The following ZNF385D variants were observed in gnomAD, a reference collection of about 807,000 sequenced individuals.
ZNF385D encodes zinc finger protein 659.
A neutral mutation model predicts 35.8 loss-of-function variants in ZNF385D; 15 were observed. The ratio of observed to expected loss-of-function variants is 0.42; its 90% CI spans 0.28 to 0.64. The LOEUF is 0.64. Ranked by LOEUF, ZNF385D falls within the 30% of genes least tolerant of loss-of-function variation. The probability of loss-of-function intolerance (pLI) is 0.23; values close to 1 mark genes in which losing one functional copy is unlikely to be tolerated. For missense variants in ZNF385D, 474 were observed against 494.6 expected, an observed-to-expected ratio of 0.96 and a Z score of 0.39; for synonymous variants, 212 against 186.8, an observed-to-expected ratio of 1.13 and a Z score of -1.10.
intron 3 of ZNF385D, among the ~76,000 whole-genome samples, chr3:21,871,487 C>T (rs184573562): frequency 5.3e-5 from 8 of 152,264 alleles, no homozygotes; most frequent in Admixed American, 4.6e-4. Flanking sequence ...ATATTAATTG[C>T]TCCATTTCCA....
At chr3:21,854,425 A>G (rs756900634) in intron 3 of ZNF385D, among the ~76,000 whole-genome samples, 105 of 152,102 alleles carry the variant, frequency 6.9e-4, no homozygotes, top group Admixed American at 9.2e-4. Context: ...AGAGAATCAG[A>G]TAATTCTTTG....
chr3:21,947,346 G>GTTAT (rs74499183), intron 3 of ZNF385D, among the ~76,000 whole-genome samples: 85 of 150,806 alleles, frequency 5.6e-4, no homozygotes, highest in Middle Eastern at 6.8e-3. Flanking sequence ...TATTTTACTA[G>GTTAT]TTATTTATTT....
chr3:21,795,406 G>A (rs900864905), intron 3 of ZNF385D, among the ~76,000 whole-genome samples: 1 of 152,324 alleles, frequency 6.6e-6, no homozygotes, highest in Non-Finnish European at 1.5e-5. Context: ...CTGAGGGCGG[G>A]GCACATAGCC....
intron 1 of ZNF385D, among the ~76,000 whole-genome samples, chr3:21,726,242 G>A (rs971236117): frequency 2.0e-5 from 3 of 152,138 alleles, no homozygotes; most frequent in African/African-American, 7.2e-5. Flanking sequence ...GCAAAAACTG[G>A]AAGCATTCCC....
rs113550794 is a variant in ZNF385D at position 22,348,628 on chromosome 3, G to C, written c.106+23822C>G. On this transcript the variant is annotated intron_variant, in intron 2 of 5. Transcript: ENST00000494108. ...TGCGGTGAGCCGAGATCACGCCATT[G>C]CACTCTCCAGCCTGGGCGACAAGAG... 4.0e-4 allele frequency among the ~76,000 whole-genome samples: 57 copies of C among 143,072 alleles called. 2 individuals carry two copies. The highest frequency in any genetic ancestry group is 1.4e-3 in the African/African-American group (56 of 39,104). The allele number at this position is 143,072 out of a possible 152,430, so 93.9% of individuals were successfully genotyped here.
At chr3:22,106,797 T>G (rs183607010) in intron 3 of ZNF385D, among the ~76,000 whole-genome samples, 1 of 152,286 alleles carries the variant, frequency 6.6e-6, no homozygotes, top group Admixed American at 6.5e-5. Context: ...CGGAGAAGCC[T>G]GACAATCTTG....
At chr3:22,201,957 G>C (rs1206838018) in intron 2 of ZNF385D, among the ~76,000 whole-genome samples, 3 of 151,920 alleles carry the variant, frequency 2.0e-5, no homozygotes, top group Non-Finnish European at 4.4e-5. Flanking sequence ...AGAAAAAATT[G>C]AGTGTGTTAG....
chr3:21,739,587 G>C (rs773191342), intron 1 of ZNF385D, among the ~76,000 whole-genome samples: 1 of 151,998 alleles, frequency 6.6e-6, no homozygotes, highest in African/African-American at 2.4e-5. Context: ...CCTAAGCAGC[G>C]AACAAAAAAA....
intron 3 of ZNF385D, among the ~76,000 whole-genome samples, chr3:21,533,308 C>G (rs922724726): frequency 4.6e-5 from 7 of 152,096 alleles, no homozygotes; most frequent in African/African-American, 1.7e-4. Context: ...CTTAGAAAAC[C>G]ACAAGTACTA....
At chr3:21,876,940 C>A (rs1480832816) in intron 3 of ZNF385D, among the ~76,000 whole-genome samples, 3 of 152,076 alleles carry the variant, frequency 2.0e-5, no homozygotes, top group Non-Finnish European at 4.4e-5. Context: ...CAGAGAAGCA[C>A]TTCTTTCCAC....
chr3:22,173,092 A>G (rs1189715418), intron 2 of ZNF385D, among the ~76,000 whole-genome samples: 1 of 152,226 alleles, frequency 6.6e-6, no homozygotes, highest in African/African-American at 2.4e-5. Context: ...TTCCTTACAG[A>G]AATAATAGAC....
intron 3 of ZNF385D, among the ~76,000 whole-genome samples, chr3:22,108,214 G>C (rs1381110159): frequency 6.6e-6 from 1 of 152,072 alleles, no homozygotes. Context: ...CACATATATA[G>C]AGGACACAAT....
At chr3:21,902,041 A>C (rs1553695580) in intron 3 of ZNF385D, among the ~76,000 whole-genome samples, 1 of 152,176 alleles carries the variant, frequency 6.6e-6, no homozygotes, top group Non-Finnish European at 1.5e-5. Context: ...ACATGACACT[A>C]AACTTCAAGT....
At chr3:21,945,874 C>G (rs1295716741) in intron 3 of ZNF385D, among the ~76,000 whole-genome samples, 1 of 152,216 alleles carries the variant, frequency 6.6e-6, no homozygotes, top group East Asian at 1.9e-4. Flanking sequence ...GCTTCATTTC[C>G]TCTTTGAGGA....
At chr3:22,119,722 T>C (rs1345863811) in intron 3 of ZNF385D, among the ~76,000 whole-genome samples, 1 of 152,180 alleles carries the variant, frequency 6.6e-6, no homozygotes, top group African/African-American at 2.4e-5. Flanking sequence ...TTACTATCTC[T>C]CCAGTAGATT....
chr3:22,056,691 T>A (rs1289300952), intron 3 of ZNF385D, among the ~76,000 whole-genome samples: 2 of 152,216 alleles, frequency 1.3e-5, no homozygotes, highest in African/African-American at 2.4e-5. Context: ...GCCATAATAA[T>A]GCTGTGTAAC....
intron 2 of ZNF385D, among the ~76,000 whole-genome samples, chr3:21,622,506 G>A (rs1368400085): frequency 6.6e-6 from 1 of 152,054 alleles, no homozygotes; most frequent in Non-Finnish European, 1.5e-5. Flanking sequence ...TATTAGGAGA[G>A]AAATCCTGAA....
At position 22,185,699 on chromosome 3, in the gene ZNF385D, G is replaced by A. The variant is rs112952354; in HGVS notation, c.107-16664C>T. Among the ~76,000 whole-genome samples the A allele has an allele frequency of 5.1e-4, 77 of 152,174 alleles. 1 individual carries two copies. The highest frequency in any genetic ancestry group is 6.8e-3 in the Middle Eastern group (2 of 294). On this transcript the variant is annotated intron_variant, in intron 2 of 5. Transcript: ENST00000494108. The stretch of plus-strand genomic sequence containing the variant: ...GCCAGGCTGGTCTTGAACTCCTAAC[G>A]TCATGATCCACCCGCCTTGGCCTTC...
At position 21,413,104 on chromosome 3, in the gene ZNF385D, AAT is replaced by A. The variant is rs1453259224; in HGVS notation, c.*8108_*8109del. ...GTTCTTTGGGTTTTTAATGAAAACA[AAT>A]ATAACAATAACATATAGAATCATCA... On this transcript the variant is annotated 3_prime_UTR_variant, in exon 8 of 8. Coordinates refer to ENST00000281523, the MANE Select transcript of ZNF385D (RefSeq NM_024697.3). 6.6e-6 allele frequency: 1 copy of A among 152,064 alleles called. No individual in the cohort carries two copies. Among genetic ancestry groups the A allele is most frequent in the Non-Finnish European group, 1.5e-5 (1 of 67,974 alleles). The allele number at this position is 152,064 out of a possible 1,614,324, so 9.4% of individuals were successfully genotyped here. A position where few individuals can be genotyped will look rare whatever the true frequency, so the allele number is the denominator to read the frequency against.
Sources: gnomAD v4.1 joint callset for allele counts (sites outside exome capture counted in the v4.1 genomes callset) on GRCh38, gnomAD v4.1.1 for gene constraint, MANE v1.5 for transcripts, NCBI Gene and HGNC (gene_info 2026-07-23, HGNC 2026-07-21) for gene names.